The following MRGPRF variants were observed in gnomAD, a reference collection of about 807,000 sequenced individuals.
MRGPRF encodes MAS related GPR family member F.
MRGPRF carries 2 observed loss-of-function variants against 3.3 expected under a neutral mutation model. The observed-to-expected ratio is 0.61, with a 90% CI of 0.25 to 1.92. The LOEUF (loss-of-function observed/expected upper bound fraction) is 1.92. Ranked by LOEUF, MRGPRF falls within the 40% of genes most tolerant of loss-of-function variation. The pLI, the probability that MRGPRF is intolerant of heterozygous loss-of-function variation, is 0.16. For synonymous variants in MRGPRF, 242 were observed against 222.7 expected (o/e 1.09, Z -0.77); for missense variants, 500 against 476.0 (o/e 1.05, Z -0.47).
chr11:69,006,346 G>A lies in MRGPRF; in HGVS notation c.49-85C>T, dbSNP rs1026341430. 83 of 1,452,932 alleles carry A rather than the reference G, an allele frequency of 5.7e-5. No homozygotes were observed. The African/African-American group carries it at 9.4e-4, about 16-fold the overall frequency. The allele number at this position is 1,452,932 out of a possible 1,614,324, so 90.0% of individuals were successfully genotyped here. On this transcript the variant is annotated intron_variant, in intron 2 of 2. Transcript: ENST00000309099. ...ATCTGGGGCCCAGCGTGGGGGAGGG[G>A]GGGGGTCCCAATTAGGGACTTGGGG...
intron 2 of MRGPRF, 24 bp from the exon 3 acceptor site, chr11:69,006,285 C>G: frequency 6.4e-7 from 1 of 1,574,164 alleles, no homozygotes; most frequent in Non-Finnish European, 8.6e-7. Flanking sequence ...GAGAGGGACA[C>G]CTGTGATGCC....
chr11:69,009,301 T>G (rs1860547646), intron 2 of MRGPRF: 1 of 348,784 alleles, frequency 2.9e-6, no homozygotes, highest in Non-Finnish European at 5.1e-6. Flanking sequence ...AATCCCAGAA[T>G]TTTCAAGGGA....
rs895635139 is a variant in MRGPRF at position 69,005,730 on chromosome 11, A to T, written c.580T>A (p.Cys194Ser). 3.2e-6 allele frequency: 5 copies of T among 1,550,326 alleles called. No individual in the cohort carries two copies. In the Admixed American group the frequency reaches 9.8e-5, roughly 30 times the overall value. ...FLGRGAPGAA[C>S]RHMDIFLGIL... ...CCCAGGAAGATGTCCATGTGCCTGC[A>T]GGCCGCGCCGGGGGCCCCGCGGCCC... Residue 194 changes from cysteine to serine, a missense_variant, in exon 3 of 3, where the codon TGC (cysteine) becomes AGC (serine). By Grantham distance (112) the Cys-to-Ser change is moderately radical (BLOSUM62 -1). Coordinates refer to ENST00000309099, the MANE Select transcript of MRGPRF (RefSeq NM_145015.5).
At chr11:69,007,023 T>C (rs927743373) in intron 2 of MRGPRF, among the ~76,000 whole-genome samples, 3 of 152,250 alleles carry the variant, frequency 2.0e-5, no homozygotes, top group Non-Finnish European at 4.4e-5. Flanking sequence ...AGGATATCGT[T>C]GGGACCACTG....
intron 2 of MRGPRF, among the ~76,000 whole-genome samples, chr11:69,009,201 G>A (rs567561725): frequency 6.6e-6 from 1 of 152,354 alleles, no homozygotes; most frequent in Non-Finnish European, 1.5e-5. Flanking sequence ...TCCCAGTCAA[G>A]TTACTACCTG....
In MRGPRF at chr11:69,009,813, C is replaced by T. The variant is rs746846734; in HGVS notation, c.48+41G>A. ...CTGGGTCTGCCCCTCCCACCCACAC[C>T]CGTCTGGGCAAGACCAGGGCCCTCC... On this transcript the variant is annotated intron_variant, in intron 2 of 2. Transcript: ENST00000309099. 6 of 1,599,442 alleles carry T rather than the reference C, an allele frequency of 3.8e-6. No homozygotes were observed. The East Asian group carries it at 6.7e-5, about 18-fold the overall frequency.
intron 2 of MRGPRF, among the ~76,000 whole-genome samples, chr11:69,006,723 A>G (rs1339362471): frequency 6.8e-6 from 1 of 146,138 alleles, no homozygotes; most frequent in East Asian, 2.0e-4. Flanking sequence ...TCCCAGGTTC[A>G]AGCGATTCTC....
chr11:69,007,257 G>C (rs1010586572), intron 2 of MRGPRF, among the ~76,000 whole-genome samples: 14 of 152,176 alleles, frequency 9.2e-5, no homozygotes, highest in African/African-American at 3.1e-4. Context: ...TGTCAGGCTA[G>C]AGTGCAGTGG....
At chr11:69,010,145 G>T (rs1296019877) in intron 1 of MRGPRF, among the ~76,000 whole-genome samples, 188 bp from the exon 2 acceptor site, 1 of 152,220 alleles carries the variant, frequency 6.6e-6, no homozygotes, top group Non-Finnish European at 1.5e-5. Flanking sequence ...GTCACCCCTG[G>T]GGCACGGCCC....
intron 2 of MRGPRF, chr11:69,009,642 G>T (rs1333218355): frequency 1.5e-6 from 1 of 675,342 alleles, no homozygotes; most frequent in Admixed American, 2.2e-5. Flanking sequence ...CAGTCCTGGT[G>T]CTTGCCTCAC....
At chr11:69,011,812 C>A (rs1229438834) in intron 1 of MRGPRF, among the ~76,000 whole-genome samples, 1 of 152,188 alleles carries the variant, frequency 6.6e-6, no homozygotes, top group African/African-American at 2.4e-5. Context: ...CATCCATTCA[C>A]CCTGGCCAGG....
At chr11:69,006,286 C>A in intron 2 of MRGPRF, 25 bp from the exon 3 acceptor site, 2 of 1,574,068 alleles carry the variant, frequency 1.3e-6, no homozygotes, top group South Asian at 1.1e-5. Flanking sequence ...AGAGGGACAC[C>A]TGTGATGCCG....
chr11:69,009,038 C>A (rs1161400532), intron 2 of MRGPRF, among the ~76,000 whole-genome samples: 2 of 152,218 alleles, frequency 1.3e-5, no homozygotes, highest in East Asian at 3.9e-4. Flanking sequence ...GACTGCCTCA[C>A]CCCACCTACC....
At position 69,012,085 on chromosome 11, in the gene MRGPRF, C is replaced by T. The variant is rs142867807; in HGVS notation, c.-57+998G>A. 3.0e-3 allele frequency among the ~76,000 whole-genome samples: 452 copies of T among 152,354 alleles called. 2 individuals carry two copies. Among genetic ancestry groups the T allele is most frequent in the Non-Finnish European group, 3.5e-3 (235 of 68,036 alleles). ...ACATGTGTGTGACACGTGGATGGGG[C>T]GTGCGTGTCAGTACATGTGTATGTG... On this transcript the variant is annotated intron_variant, in intron 1 of 2. Coordinates refer to ENST00000309099, the MANE Select transcript of MRGPRF (RefSeq NM_145015.5).
intron 2 of MRGPRF, among the ~76,000 whole-genome samples, chr11:69,008,870 G>A (rs182573603): frequency 5.6e-4 from 85 of 152,344 alleles, no homozygotes; most frequent in African/African-American, 2.0e-3. Flanking sequence ...CATGCACGCT[G>A]GAAAAAGTCT....
rs766882878 is a variant in MRGPRF at position 69,005,293 on chromosome 11, CG to C, written c.1016del (p.Pro339ArgfsTer84). ...NTVTMEMQCP[P>X]GNAS ...CGCTGGAGTCTCAGGAGGCGTTCCC[CG>C]GGGGACACTGCATCTCCATGGTGAC... On this transcript the variant is annotated frameshift_variant, in exon 3 of 3. Coordinates refer to ENST00000309099, the MANE Select transcript of MRGPRF (RefSeq NM_145015.5). LOFTEE classifies it high-confidence loss of function. 1.3e-6 allele frequency: 2 copies of C among 1,511,058 alleles called. No homozygotes were observed. Among genetic ancestry groups the C allele is most frequent in the African/African-American group, 1.4e-5 (1 of 72,558 alleles). The allele number at this position is 1,511,058 out of a possible 1,614,324, so 93.6% of individuals were successfully genotyped here.
rs111297191 is a variant in MRGPRF, at chr11:69,004,737, G to A, written c.*541C>T. ...CCCCATCAAAGTCACCAAATGACTC[G>A]ACGGGGGGAAGGGAGGTTGTTTGCA... On this transcript the variant is annotated 3_prime_UTR_variant, in exon 3 of 3. Coordinates refer to ENST00000309099, the MANE Select transcript of MRGPRF (RefSeq NM_145015.5). The A allele has an allele frequency of 2.7e-3, 413 of 152,686 alleles. 1 individual carries two copies. The highest frequency in any genetic ancestry group is 3.6e-3 in the Non-Finnish European group (247 of 68,300). The allele number at this position is 152,686 out of a possible 1,614,324, so 9.5% of individuals were successfully genotyped here.
Position 69,005,286 on chromosome 11 carries a change from C to T in MRGPRF, c.1024G>A (p.Ala342Thr), listed in dbSNP as rs559672912. 5.0e-5 allele frequency: 75 copies of T among 1,495,932 alleles called. No homozygotes were observed. In the Middle Eastern group the frequency reaches 1.2e-3, roughly 24 times the overall value. The allele number at this position is 1,495,932 out of a possible 1,614,324, so 92.7% of individuals were successfully genotyped here. A position where few individuals can be genotyped will look rare whatever the true frequency, so the allele number is the denominator to read the frequency against. Residue 342 changes from alanine to threonine, a missense_variant, in exon 3 of 3, where the codon GCC (alanine) becomes ACC (threonine). Ala to Thr is a moderately conservative substitution (Grantham distance 58). Coordinates refer to ENST00000309099, the MANE Select transcript of MRGPRF (RefSeq NM_145015.5). ...CTCCAGGCGCTGGAGTCTCAGGAGG[C>T]GTTCCCCGGGGGACACTGCATCTCC... ...TMEMQCPPGN[A>T]S is the part of the protein sequence containing the mutation.
chr11:69,005,503 G>C lies in MRGPRF; in HGVS notation c.807C>G (p.Ala269=), dbSNP rs374094839. The part of the protein sequence containing the change: ...WFLFWVFQIP[A]PFPEYVTDLC... ...GGTCAGTGACGTACTCGGGGAAGGG[G>C]GCCGGGATCTGGAAGACCCAGAAGA... Residue 269 remains alanine, a synonymous_variant, in exon 3 of 3, where the codon GCC becomes GCG. Coordinates refer to ENST00000309099, the MANE Select transcript of MRGPRF (RefSeq NM_145015.5). 27 of 1,580,326 alleles carry C rather than the reference G, an allele frequency of 1.7e-5. No individual in the cohort carries two copies. Among genetic ancestry groups the C allele is most frequent in the Non-Finnish European group, 2.3e-5 (27 of 1,163,478 alleles).
Sources: allele counts gnomAD v4.1 joint callset (sites outside exome capture counted in the v4.1 genomes callset), GRCh38; gene constraint gnomAD v4.1.1; transcripts MANE v1.5; gene names NCBI Gene and HGNC (gene_info 2026-07-23, HGNC 2026-07-21).